The following WSCD2 variants were observed in gnomAD, a reference collection of about 807,000 sequenced individuals.
WSCD2 encodes the protein sialate:O-sulfotransferase 2.
WSCD2 carries 28 observed loss-of-function variants against 55.7 expected under a neutral mutation model. The observed-to-expected ratio is 0.50, with a 90% CI of 0.37 to 0.69. The LOEUF (loss-of-function observed/expected upper bound fraction) is 0.69, where lower values mean the gene tolerates loss of function less well. Ranked by LOEUF, WSCD2 falls within the 30% of genes least tolerant of loss-of-function variation. The pLI is 0.00. For missense variants in WSCD2, 616 were observed against 762.1 expected (o/e 0.81, Z 2.26); for synonymous variants, 301 against 301.9 (o/e 1.00, Z 0.03).
chr12:108,216,865 C>T (rs886265366), intron 4 of WSCD2, among the ~76,000 whole-genome samples: 1 of 152,228 alleles, frequency 6.6e-6, no homozygotes, highest in African/African-American at 2.4e-5. Flanking sequence ...CCAGCCTGTC[C>T]CTCACAGGCC....
intron 1 of WSCD2, among the ~76,000 whole-genome samples, chr12:108,182,650 G>T (rs1881939213): frequency 6.6e-6 from 1 of 152,200 alleles, no homozygotes; most frequent in African/African-American, 2.4e-5. Flanking sequence ...GCAGGTAGAG[G>T]AGTAGTCAAT....
chr12:108,156,369 G>A (rs1160591000), intron 1 of WSCD2, among the ~76,000 whole-genome samples: 1 of 152,170 alleles, frequency 6.6e-6, no homozygotes, highest in African/African-American at 2.4e-5. Context: ...CACATAGTAA[G>A]CACTCAATCA....
At chr12:108,196,439 A>G in intron 2 of WSCD2, 1 of 631,516 alleles carries the variant, frequency 1.6e-6, no homozygotes, top group Non-Finnish European at 2.5e-6. Context: ...TCAAGAGGCA[A>G]GTTTGGATTT....
At chr12:108,151,240 C>T (rs1368127178) in intron 1 of WSCD2, among the ~76,000 whole-genome samples, 3 of 152,074 alleles carry the variant, frequency 2.0e-5, no homozygotes, top group Non-Finnish European at 4.4e-5. Context: ...TTGGGGGCTG[C>T]CCTGTGCATT....
At chr12:108,173,418 C>T (rs1370515650) in intron 1 of WSCD2, among the ~76,000 whole-genome samples, 1 of 152,162 alleles carries the variant, frequency 6.6e-6, no homozygotes, top group Non-Finnish European at 1.5e-5. Context: ...CAGCAGGAGA[C>T]GTGAAGGCTC....
chr12:108,171,025 G>A (rs917648943), intron 1 of WSCD2, among the ~76,000 whole-genome samples: 5 of 152,346 alleles, frequency 3.3e-5, no homozygotes, highest in Admixed American at 2.0e-4. Flanking sequence ...TAAGGTAGGA[G>A]AGGCTGGTTC....
chr12:108,210,310 G>A lies in WSCD2; in HGVS notation c.682+5G>A, dbSNP rs1223070466. On this transcript the variant is annotated splice_donor_5th_base_variant and intron_variant, in intron 4 of 8. Transcript: ENST00000547525. The surrounding 1 kb of genome is among the most constrained non-coding windows in gnomAD (Gnocchi z 4.3). The stretch of plus-strand genomic sequence containing the variant: ...CCCAGGAGTCGGCCCGCAGGTGTAC[G>A]TGAGTCTGCCCTGCCCCTCTCTGCT... The A allele has an allele frequency of 3.2e-6, 5 of 1,567,070 alleles. No individual in the cohort carries two copies. The highest frequency in any genetic ancestry group is 4.3e-6 in the Non-Finnish European group (5 of 1,159,914).
intron 8 of WSCD2, 140 bp downstream of exon 8, chr12:108,240,684 G>C: frequency 9.9e-7 from 1 of 1,009,486 alleles, no homozygotes; most frequent in Non-Finnish European, 1.4e-6. Flanking sequence ...ATCCTGGAGG[G>C]CGCGTGTCAT....
intron 1 of WSCD2, among the ~76,000 whole-genome samples, chr12:108,150,302 T>C (rs1877841022): frequency 6.6e-6 from 1 of 152,158 alleles, no homozygotes; most frequent in South Asian, 2.1e-4. Context: ...GAATGGAGTA[T>C]AGAATTCACC....
intron 1 of WSCD2, among the ~76,000 whole-genome samples, chr12:108,153,143 C>T (rs914319603): frequency 1.6e-5 from 2 of 126,364 alleles, no homozygotes; most frequent in African/African-American, 5.4e-5. Context: ...TGACTTAGCA[C>T]GAGTACTTAC....
At chr12:108,240,635 A>T in intron 8 of WSCD2, 91 bp downstream of exon 8, 3 of 1,426,282 alleles carry the variant, frequency 2.1e-6, no homozygotes, top group Non-Finnish European at 2.8e-6. Context: ...CAGCGTGACC[A>T]GCAGGAGGCA....
intron 1 of WSCD2, among the ~76,000 whole-genome samples, chr12:108,180,050 C>CAAAAAAAAAAAAAAAAAAA (rs59925486): frequency 2.6e-5 from 3 of 116,670 alleles, no homozygotes; most frequent in Admixed American, 9.2e-5. Context: ...CTCAAAAAAA[C>CAAAAAAAAAAAAAAAAAAA]AAAAAAAAAA....
In WSCD2 at chr12:108,224,865, G is replaced by A. The variant is rs747183174; in HGVS notation, c.804+5G>A. 1 of 1,612,184 alleles carries A rather than the reference G, an allele frequency of 6.2e-7. No individual in the cohort carries two copies. ...GTGGACTTCTGCACTGAGAAGGTGA[G>A]CACAAGGTGGGGCCCATGGAACTCA... is the stretch of plus-strand genomic sequence containing the variant. On this transcript the variant is annotated splice_donor_5th_base_variant and intron_variant, in intron 5 of 8. Transcript: ENST00000547525.
In WSCD2 at chr12:108,249,016, T is replaced by C. The variant is rs1393738440; in HGVS notation, c.*673T>C. On this transcript the variant is annotated 3_prime_UTR_variant, in exon 9 of 9. Transcript: ENST00000547525. ...GCCACACTGCTTCTCAGAAATGAGCTGCTTGCCTTTCCACCTCCAGGGCAT... is the reference window on the plus strand; with the variant it reads ...GCCACACTGCTTCTCAGAAATGAGCCGCTTGCCTTTCCACCTCCAGGGCAT... The C allele has an allele frequency of 2.8e-6, 2 of 718,848 alleles. No homozygotes were observed. The highest frequency in any genetic ancestry group is 3.4e-6 in the Non-Finnish European group (2 of 586,410). The allele number at this position is 718,848 out of a possible 1,614,324, so 44.5% of individuals were successfully genotyped here.
At chr12:108,207,578 A>C (rs966306274) in intron 3 of WSCD2, among the ~76,000 whole-genome samples, 2 of 130,576 alleles carry the variant, frequency 1.5e-5, no homozygotes, top group Non-Finnish European at 3.1e-5. Flanking sequence ...TAGTAGAGAA[A>C]GGGTTTCACC....
At chr12:108,163,959 T>C (rs1879337913) in intron 1 of WSCD2, among the ~76,000 whole-genome samples, 1 of 151,580 alleles carries the variant, frequency 6.6e-6, no homozygotes, top group African/African-American at 2.4e-5. Flanking sequence ...AAAGAATAAG[T>C]GAATGCCTGG....
At chr12:108,217,545 A>G (rs1886986092) in intron 4 of WSCD2, among the ~76,000 whole-genome samples, 1 of 152,168 alleles carries the variant, frequency 6.6e-6, no homozygotes, top group Non-Finnish European at 1.5e-5. Flanking sequence ...AGAGCTCCCC[A>G]GGTCCCTGGG....
intron 8 of WSCD2, among the ~76,000 whole-genome samples, chr12:108,245,952 G>C (rs1486495122): frequency 6.6e-6 from 1 of 152,246 alleles, no homozygotes; most frequent in Non-Finnish European, 1.5e-5. Context: ...ATTCTGATGT[G>C]TTCTGCAAAG....
At chr12:108,176,632 G>A (rs1218938709) in intron 1 of WSCD2, among the ~76,000 whole-genome samples, 1 of 152,168 alleles carries the variant, frequency 6.6e-6, no homozygotes, top group Non-Finnish European at 1.5e-5. Flanking sequence ...TTTTGCCTGA[G>A]CATGGGTTTT....
Sources: allele counts gnomAD v4.1 joint callset (sites outside exome capture counted in the v4.1 genomes callset), GRCh38; gene constraint gnomAD v4.1.1; non-coding constraint Gnocchi (gnomAD v3.1); transcripts MANE v1.5; gene names NCBI Gene and HGNC (gene_info 2026-07-23, HGNC 2026-07-21).